The following PFKM variants were observed in gnomAD, a reference collection of about 807,000 sequenced individuals.
PFKM encodes phosphofructokinase, muscle, also known as ATP-dependent 6-phosphofructokinase, muscle type.
In PFKM, 58 loss-of-function variants were observed where a neutral mutation model predicts 95.5. That is an observed-to-expected ratio of 0.61 (90% CI 0.49 to 0.76). PFKM has a LOEUF of 0.76. PFKM is among the 30% of genes least tolerant of loss of function. The probability of loss-of-function intolerance (pLI) is 0.00; values close to 1 mark genes in which losing one functional copy is unlikely to be tolerated. For synonymous variants in PFKM, 336 were observed against 357.2 expected, an observed-to-expected ratio of 0.94 and a Z score of 0.67; for missense variants, 678 against 1,005.4, an observed-to-expected ratio of 0.67 and a Z score of 4.40.
intron 5 of PFKM, 114 bp from the exon 6 acceptor site, chr12:48,133,194 CTCCTTTT>C: frequency 1.6e-6 from 2 of 1,272,022 alleles, no homozygotes; most frequent in Non-Finnish European, 2.3e-6. Flanking sequence ...AGTCTTTGCC[CTCCTTTT>C]TCTGGTATTG....
At chr12:48,114,758 G>T (rs901598857), upstream of PFKM, among the ~76,000 whole-genome samples, 10 of 152,132 alleles carry the variant, frequency 6.6e-5, no homozygotes, top group African/African-American at 2.4e-4. Flanking sequence ...CAGACCATTT[G>T]CCCATTTTTT....
upstream of PFKM, among the ~76,000 whole-genome samples, chr12:48,116,082 C>T (rs1272391948): frequency 1.1e-4 from 17 of 152,036 alleles, no homozygotes; most frequent in South Asian, 1.9e-3. Context: ...TGTTCACATC[C>T]GCTGTAATAC....
intron 12 of PFKM, 42 bp from the exon 13 acceptor site, chr12:48,139,807 G>A: frequency 1.5e-6 from 2 of 1,315,368 alleles, no homozygotes; most frequent in East Asian, 2.3e-5. Flanking sequence ...TGGCTGTGGG[G>A]AATGGCCTGA....
Position 48,107,430 on chromosome 12 carries a change from G to GT in PFKM, c.59dup (p.Leu20PhefsTer37), listed in dbSNP as rs1432019160. 6.3e-7 allele frequency: 1 copy of GT among 1,598,308 alleles called. No individual in the cohort carries two copies. The highest frequency in any genetic ancestry group is 1.1e-5 in the South Asian group (1 of 91,050). On this transcript the variant is annotated frameshift_variant, in exon 2 of 25. Transcript: ENST00000340802. LOFTEE classifies it high-confidence loss of function. ...TCATGTGTGTGATTCAGTCTCGCCA[G>GT]TTAGTCAGGACTCCTCAGAGAACAG...
intron 7 of PFKM, 24 bp from the exon 8 acceptor site, chr12:48,134,697 G>A: frequency 6.7e-7 from 1 of 1,492,556 alleles, no homozygotes; most frequent in Non-Finnish European, 9.4e-7. Context: ...ACTTCTAGCA[G>A]GATGCTTCTG....
chr12:48,119,326 C>A, upstream of PFKM: 1 of 983,270 alleles, frequency 1.0e-6, no homozygotes, highest in Non-Finnish European at 1.2e-6. Flanking sequence ...GGCTCCTCCC[C>A]ATGTTCGTCC....
At chr12:48,129,782 G>A (rs1949271884) in intron 2 of PFKM, among the ~76,000 whole-genome samples, 1 of 152,216 alleles carries the variant, frequency 6.6e-6, no homozygotes, top group African/African-American at 2.4e-5. Context: ...AAAAGCTGAT[G>A]TCTCGATTCA....
chr12:48,143,664 C>G, intron 18 of PFKM, 89 bp from the exon 19 acceptor site: 1 of 935,384 alleles, frequency 1.1e-6, no homozygotes, highest in Non-Finnish European at 1.8e-6. Flanking sequence ...TGTGTCTCTT[C>G]CTTCCTGGAG....
chr12:48,121,484 G>A (rs1176903354), intron 1 of PFKM, among the ~76,000 whole-genome samples: 1 of 152,176 alleles, frequency 6.6e-6, no homozygotes, highest in Admixed American at 6.5e-5. Flanking sequence ...CTTCATATAT[G>A]TCTCATTGCA....
chr12:48,114,887 GC>G (rs1406787898), upstream of PFKM, among the ~76,000 whole-genome samples: 1 of 152,184 alleles, frequency 6.6e-6, no homozygotes, highest in Non-Finnish European at 1.5e-5. Flanking sequence ...AAAATGAGAT[GC>G]CTAGATTTTA....
upstream of PFKM, chr12:48,119,183 T>A: frequency 1.5e-6 from 1 of 662,650 alleles, no homozygotes; most frequent in Non-Finnish European, 1.9e-6. Context: ...CTGCCATATC[T>A]GAGCTGAGTA....
upstream of PFKM, among the ~76,000 whole-genome samples, chr12:48,116,230 TTCCC>T (rs1162282713): frequency 6.8e-6 from 1 of 146,498 alleles, no homozygotes; most frequent in African/African-American, 2.5e-5. Flanking sequence ...CCTTCCTTCC[TTCCC>T]TCCCCCTCTC....
intron 4 of PFKM, chr12:48,132,659 A>G (rs573873946): frequency 1.7e-6 from 1 of 605,380 alleles, no homozygotes; most frequent in Admixed American, 2.6e-5. Flanking sequence ...CAGTCTTCTC[A>G]GATGTGTAGC....
rs2135995386 is a variant in PFKM, at chr12:48,140,875, TG to T, written c.1341+8del. 1 of 1,613,970 alleles carries T rather than the reference TG, an allele frequency of 6.2e-7. No homozygotes were observed. The highest frequency in any genetic ancestry group is 8.5e-7 in the Non-Finnish European group (1 of 1,179,966). ...CGAGGGCCTGGCCAAGGGGCAGGTA[TG>T]GGGACTATTCTGGGACCTAGGAGCA... On this transcript the variant is annotated splice_donor_5th_base_variant and intron_variant, in intron 14 of 22. Coordinates refer to ENST00000359794, the MANE Select transcript of PFKM (RefSeq NM_000289.6).
Position 48,145,657 on chromosome 12 carries a change from T to C in PFKM, c.2292T>C (p.His764=), listed in dbSNP as rs765145687. 1.1e-5 allele frequency: 17 copies of C among 1,614,160 alleles called. No individual in the cohort carries two copies. The highest frequency in any genetic ancestry group is 3.3e-5 in the South Asian group (3 of 91,084). Residue 764 remains histidine (H), a synonymous_variant, in exon 23 of 23, where the codon CAT becomes CAC. Transcript: ENST00000359794. This position sits in a 1 kb window ranked among gnomAD's most constrained non-coding sequence, Gnocchi z 4.3. ...KYEIDLDTSD[H]AHLEHITRKR... ...AGATTGACTTGGACACTTCAGACCATGCCCACCTGGAGCACATCACCCGGA... is the reference window on the plus strand; with the variant it reads ...AGATTGACTTGGACACTTCAGACCACGCCCACCTGGAGCACATCACCCGGA...
intron 2 of PFKM, among the ~76,000 whole-genome samples, chr12:48,124,980 A>T (rs1416818804): frequency 6.6e-6 from 1 of 152,134 alleles, no homozygotes. Flanking sequence ...GCCACATGGG[A>T]AAGTGAGATT....
At position 48,142,575 on chromosome 12, in the gene PFKM, G is replaced by A. The variant is rs147517733; in HGVS notation, c.1654-207G>A. Among the ~76,000 whole-genome samples the A allele has an allele frequency of 1.2e-4, 19 of 152,108 alleles. No individual in the cohort carries two copies. The East Asian group carries it at 3.7e-3, about 29-fold the overall frequency. On this transcript the variant is annotated intron_variant, in intron 17 of 22. Coordinates refer to ENST00000359794, the MANE Select transcript of PFKM (RefSeq NM_000289.6). ...ATTTTCTGAGCAGTAGAAAGGATAGGTACAGCTTTCTTCCCAGGAGAGACG... is the reference window on the plus strand; with the variant it reads ...ATTTTCTGAGCAGTAGAAAGGATAGATACAGCTTTCTTCCCAGGAGAGACG...
chr12:48,108,172 A>T, exon 3 of PFKM: 1 of 1,598,718 alleles, frequency 6.3e-7, no homozygotes. Context: ...ACACCGTGGG[A>T]AGCATACCTG....
At chr12:48,140,466 A>C (rs558160884) in intron 13 of PFKM, among the ~76,000 whole-genome samples, 3 of 152,180 alleles carry the variant, frequency 2.0e-5, no homozygotes, top group Admixed American at 6.5e-5. Context: ...TCTCTCATTC[A>C]TTGTATAATA....
Sources: gnomAD v4.1 joint callset for allele counts (sites outside exome capture counted in the v4.1 genomes callset) on GRCh38, gnomAD v4.1.1 for gene constraint, Gnocchi (gnomAD v3.1) non-coding constraint, MANE v1.5 for transcripts, NCBI Gene and HGNC (gene_info 2026-07-23, HGNC 2026-07-21) for gene names.